The following NCKAP1 variants were observed in gnomAD, a reference collection of about 807,000 sequenced individuals.
NCKAP1 encodes nck-associated protein 1.
In NCKAP1, 21 loss-of-function variants were observed where a neutral mutation model predicts 151.2. The ratio of observed to expected loss-of-function variants is 0.14; its 90% CI spans 0.10 to 0.20. The LOEUF (loss-of-function observed/expected upper bound fraction) is 0.20, where lower values mean the gene tolerates loss of function less well. Ranked by LOEUF, NCKAP1 falls within the 10% of genes least tolerant of loss-of-function variation. The pLI, the probability that NCKAP1 is intolerant of heterozygous loss-of-function variation, is 1.00. For missense variants in NCKAP1, 933 were observed against 1,352.1 expected (o/e 0.69, Z 4.86); for synonymous variants, 484 against 451.8 (o/e 1.07, Z -0.90).
chr2:182,949,708 C>T (rs938653517), intron 23 of NCKAP1, among the ~76,000 whole-genome samples: 6 of 152,184 alleles, frequency 3.9e-5, no homozygotes, highest in Middle Eastern at 3.2e-3. Context: ...GTGACAGAAT[C>T]GCCTGAGCCC....
intron 23 of NCKAP1, among the ~76,000 whole-genome samples, chr2:182,943,503 A>T (rs1343302132): frequency 6.6e-6 from 1 of 152,048 alleles, no homozygotes; most frequent in African/African-American, 2.4e-5. Flanking sequence ...AAACTCTCCA[A>T]ATCTAAAACT....
intron 8 of NCKAP1, among the ~76,000 whole-genome samples, chr2:182,994,583 G>C (rs889647882): frequency 2.0e-5 from 3 of 151,604 alleles, no homozygotes; most frequent in Admixed American, 2.0e-4. Context: ...AGGTTGCAGT[G>C]AGCCGAGATT....
At chr2:182,935,808 A>G (rs1215731673) in intron 24 of NCKAP1, among the ~76,000 whole-genome samples, 1 of 152,184 alleles carries the variant, frequency 6.6e-6, no homozygotes, top group Non-Finnish European at 1.5e-5. Context: ...CCAGGAACTC[A>G]GCAGTGCTAA....
At chr2:183,017,989 C>A (rs1575067674) in intron 2 of NCKAP1, among the ~76,000 whole-genome samples, 1 of 152,194 alleles carries the variant, frequency 6.6e-6, no homozygotes, top group Non-Finnish European at 1.5e-5. Flanking sequence ...GTGGCTCATG[C>A]CTGTAATCCA....
chr2:182,967,145 A>G, intron 16 of NCKAP1, 71 bp downstream of exon 16: 1 of 1,431,208 alleles, frequency 7.0e-7, no homozygotes, highest in Non-Finnish European at 9.5e-7. Context: ...ATGCTAACAC[A>G]AAAATAATCA....
intron 14 of NCKAP1, among the ~76,000 whole-genome samples, chr2:182,977,417 G>C (rs1458679792): frequency 6.6e-6 from 1 of 152,138 alleles, no homozygotes; most frequent in Non-Finnish European, 1.5e-5. Context: ...TTGAACCTGG[G>C]AGGCAGAGGT....
intron 11 of NCKAP1, 101 bp from the exon 12 acceptor site, chr2:182,983,028 C>T (rs1310090238): frequency 2.0e-5 from 18 of 886,378 alleles, no homozygotes; most frequent in Non-Finnish European, 2.7e-5. Flanking sequence ...GTGATAATAT[C>T]AATTCAAAAG....
intron 2 of NCKAP1, among the ~76,000 whole-genome samples, chr2:183,014,644 G>C (rs1403531153): frequency 2.0e-5 from 3 of 152,086 alleles, no homozygotes; most frequent in Admixed American, 6.5e-5. Flanking sequence ...AAGAAAGTAA[G>C]TACTCTGCAA....
At chr2:182,953,500 G>A (rs953542978) in intron 20 of NCKAP1, among the ~76,000 whole-genome samples, 169 bp from the exon 21 acceptor site, 2 of 152,070 alleles carry the variant, frequency 1.3e-5, no homozygotes, top group African/African-American at 2.4e-5. Flanking sequence ...AGGAAACAGC[G>A]TAAAAAAAGA....
At chr2:182,974,569 G>GAATGC (rs1325154531) in intron 15 of NCKAP1, among the ~76,000 whole-genome samples, 2 of 152,130 alleles carry the variant, frequency 1.3e-5, no homozygotes, top group Non-Finnish European at 1.5e-5. Flanking sequence ...AACACAGGGA[G>GAATGC]AATGCCTTTA....
At position 182,978,879 on chromosome 2, in the gene NCKAP1, T is replaced by A; in HGVS notation, c.1378A>T (p.Met460Leu). The part of the protein sequence containing the change: ...SVCPEDESII[M>L]SSFVNTMTSL... ...GTCATAGTGTTAACAAAAGAGGACATGATGATTGATTCATCTTCAGGGCAA... is the reference window on the plus strand; with the variant it reads ...GTCATAGTGTTAACAAAAGAGGACAAGATGATTGATTCATCTTCAGGGCAA... The change falls in exon 14 of 31, where the codon ATG becomes TTG. Residue 460 changes from methionine to leucine, a missense_variant. This residue lies in a region of NCKAP1 where 607 missense variants were observed against 795.0 expected (regional missense o/e 0.76). Coordinates refer to ENST00000361354, the MANE Select transcript of NCKAP1 (RefSeq NM_013436.5). 6.2e-7 allele frequency: 1 copy of A among 1,609,196 alleles called. No homozygotes were observed. The highest frequency in any genetic ancestry group is 8.5e-7 in the Non-Finnish European group (1 of 1,176,658).
chr2:182,942,188 G>A (rs1007580484), intron 23 of NCKAP1, 25 bp from the exon 24 acceptor site: 2 of 1,564,396 alleles, frequency 1.3e-6, no homozygotes, highest in Non-Finnish European at 1.8e-6. Flanking sequence ...AAGATCCTAG[G>A]TCAGGCACAG....
chr2:182,926,832 TA>T lies in NCKAP1; in HGVS notation c.3253del (p.Tyr1085IlefsTer4). 1 of 1,598,552 alleles carries T rather than the reference TA, an allele frequency of 6.3e-7. No homozygotes were observed. The highest frequency in any genetic ancestry group is 8.6e-7 in the Non-Finnish European group (1 of 1,169,242). ...KTTTRNRESV[Y>X]LLLDMIVQES... is the part of the protein sequence containing the mutation. ...GAGACTTACCATATCTAGCAGTAAA[TA>T]AACAGATTCTCTATTTCTTGTTGTA... On this transcript the variant is annotated frameshift_variant, in exon 30 of 31. Coordinates refer to ENST00000361354, the MANE Select transcript of NCKAP1 (RefSeq NM_013436.5). LOFTEE classifies it high-confidence loss of function.
chr2:183,023,414 A>C (rs1040803475), intron 2 of NCKAP1, among the ~76,000 whole-genome samples: 1 of 152,184 alleles, frequency 6.6e-6, no homozygotes. Flanking sequence ...AACTAAATAC[A>C]GCTAACTACT....
In NCKAP1 at chr2:182,919,934, G is replaced by A. The variant is rs1696524410; in HGVS notation, c.*5768C>T. ...CCCAAAGTGCTGGGATCACAGGAGTGAGCCACCGCGTCTGGCCTTAATTAT... is the reference window on the plus strand; with the variant it reads ...CCCAAAGTGCTGGGATCACAGGAGTAAGCCACCGCGTCTGGCCTTAATTAT... On this transcript the variant is annotated 3_prime_UTR_variant, in exon 31 of 31. Transcript: ENST00000361354. 1 of 152,316 alleles carries A rather than the reference G, an allele frequency of 6.6e-6. No individual in the cohort carries two copies. Among genetic ancestry groups the A allele is most frequent in the Non-Finnish European group, 1.5e-5 (1 of 68,212 alleles). 9.4% of individuals were successfully genotyped at this position (152,316 alleles called of 1,614,324 possible).
chr2:182,942,686 A>T (rs987662265), intron 23 of NCKAP1, among the ~76,000 whole-genome samples: 4 of 152,090 alleles, frequency 2.6e-5, no homozygotes, highest in African/African-American at 9.7e-5. Context: ...ATGGAAGTAT[A>T]AACTATCTAC....
Position 182,983,316 on chromosome 2 carries a change from G to C in NCKAP1, c.1071C>G (p.Leu357=), listed in dbSNP as rs1256891029. The change falls in exon 11 of 31, where the codon CTC becomes CTG. Residue 357 remains leucine (L), a synonymous_variant. Coordinates refer to ENST00000361354, the MANE Select transcript of NCKAP1 (RefSeq NM_013436.5). ...RSALKELATV[L]SDQPGLLGPK... ...GACCTAGCAATCCAGGTTGATCAGA[G>C]AGGACAGTAGCCAATTCCTTCAGTG... is the stretch of plus-strand genomic sequence containing the variant. 6.2e-7 allele frequency: 1 copy of C among 1,612,436 alleles called. No homozygotes were observed. The highest frequency in any genetic ancestry group is 1.1e-5 in the South Asian group (1 of 90,980).
chr2:182,944,648 C>A (rs923860701), intron 23 of NCKAP1, among the ~76,000 whole-genome samples: 1 of 152,158 alleles, frequency 6.6e-6, no homozygotes, highest in African/African-American at 2.4e-5. Flanking sequence ...AGCTCTACTT[C>A]TTTAATTAGC....
At chr2:182,951,787 C>A (rs1697223350) in intron 23 of NCKAP1, among the ~76,000 whole-genome samples, 1 of 151,914 alleles carries the variant, frequency 6.6e-6, no homozygotes, top group African/African-American at 2.4e-5. Context: ...AGTTCAAATT[C>A]TTTCAAAAAC....
Sources: allele counts gnomAD v4.1 joint callset (sites outside exome capture counted in the v4.1 genomes callset), GRCh38; gene constraint gnomAD v4.1.1; regional missense constraint gnomAD v4.1.1; transcripts MANE v1.5; gene names NCBI Gene and HGNC (gene_info 2026-07-23, HGNC 2026-07-21).